Variants in CCDC92 observed in about 807,000 individuals in gnomAD.
CCDC92 encodes the protein coiled-coil domain containing 92.
CCDC92 carries 12 observed loss-of-function variants against 24.9 expected under a neutral mutation model. The ratio of observed to expected loss-of-function variants is 0.48; its 90% CI spans 0.31 to 0.78. The LOEUF (loss-of-function observed/expected upper bound fraction) is 0.78. CCDC92 is among the 30% of genes least tolerant of loss of function. The pLI is 0.05. For synonymous variants in CCDC92, 193 were observed against 196.3 expected, an observed-to-expected ratio of 0.98 and a Z score of 0.14; for missense variants, 399 against 439.4, an observed-to-expected ratio of 0.91 and a Z score of 0.82.
At position 123,942,361 on chromosome 12, in the gene CCDC92, C is replaced by T. The variant is rs555976423; in HGVS notation, c.223+383G>A. Among the ~76,000 whole-genome samples the T allele has an allele frequency of 9.8e-5, 15 of 152,350 alleles. No homozygotes were observed. The South Asian group carries it at 1.2e-3, about 13-fold the overall frequency. ...AGGCCCATGCTAGGCGGCAGCGACA[C>T]GGAGGAGCGGGGGCGGTTCTGCCCA... On this transcript the variant is annotated intron_variant, in intron 4 of 4. Transcript: ENST00000238156.
intron 2 of CCDC92, chr12:123,943,991 C>T (rs577740142): frequency 3.9e-5 from 20 of 515,394 alleles, no homozygotes; most frequent in Non-Finnish European, 2.0e-5. Context: ...CTGACAGCTT[C>T]CTCATGGGAA....
chr12:123,965,449 C>A (rs1956369806), intron 1 of CCDC92, among the ~76,000 whole-genome samples: 1 of 152,182 alleles, frequency 6.6e-6, no homozygotes, highest in Non-Finnish European at 1.5e-5. Context: ...CTCACTTTTT[C>A]CTGTCTTGAC....
chr12:123,936,805 T>C lies in CCDC92; in HGVS notation c.*253A>G. 8.5e-6 allele frequency: 5 copies of C among 586,096 alleles called. No individual in the cohort carries two copies. The highest frequency in any genetic ancestry group is 8.2e-5 in the South Asian group (4 of 48,690). The allele number at this position is 586,096 out of a possible 1,614,324, so 36.3% of individuals were successfully genotyped here. ...GGCTTTGCCTGCAGCGCACTTAGGT[T>C]ACACGGAGCGGGATCAGAAGCAAGC... On this transcript the variant is annotated 3_prime_UTR_variant, in exon 5 of 5. Transcript: ENST00000238156.
In CCDC92 at chr12:123,936,959, A is replaced by G. The variant is rs772221236; in HGVS notation, c.*99T>C. On this transcript the variant is annotated 3_prime_UTR_variant, in exon 5 of 5. Transcript: ENST00000238156. ...GGAGAATGGGTCGGTAGGTGTGAAA[A>G]GTGTTTGGCATGCATGGGATTAAAC... The G allele has an allele frequency of 2.2e-6, 3 of 1,364,902 alleles. No individual in the cohort carries two copies. Among genetic ancestry groups the G allele is most frequent in the Non-Finnish European group, 3.0e-6 (3 of 983,698 alleles). The allele number at this position is 1,364,902 out of a possible 1,614,324, so 84.5% of individuals were successfully genotyped here. A position where few individuals can be genotyped will look rare whatever the true frequency, so the allele number is the denominator to read the frequency against.
chr12:123,968,666 C>T (rs552546310), intron 1 of CCDC92: 6 of 152,106 alleles, frequency 3.9e-5, no homozygotes, highest in Non-Finnish European at 8.8e-5. Flanking sequence ...GTAAGAGACA[C>T]AAAAGCATGA....
In CCDC92 at chr12:123,944,048, C is replaced by G. The variant is rs370338507; in HGVS notation, c.34+224G>C. ...GCCAAACATTTCCTCTAAATGGCAT[C>G]TGGAGCCAGCCAAAGTAGGAGGGAG... On this transcript the variant is annotated intron_variant, in intron 2 of 4. Coordinates refer to ENST00000238156, the MANE Select transcript of CCDC92 (RefSeq NM_025140.3). The G allele has an allele frequency of 7.0e-5, 37 of 530,038 alleles. No homozygotes were observed. The East Asian group carries it at 9.2e-4, about 13-fold the overall frequency. 32.8% of individuals were successfully genotyped at this position (530,038 alleles called of 1,614,324 possible). A position where few individuals can be genotyped will look rare whatever the true frequency, so the allele number is the denominator to read the frequency against.
At chr12:123,961,544 T>C (rs1487522136) in intron 1 of CCDC92, among the ~76,000 whole-genome samples, 1 of 152,204 alleles carries the variant, frequency 6.6e-6, no homozygotes, top group Non-Finnish European at 1.5e-5. Context: ...AAGTTGTATA[T>C]TAAAAGTTGC....
At chr12:123,969,184 A>T (rs547196206) in intron 1 of CCDC92, among the ~76,000 whole-genome samples, 20 of 152,164 alleles carry the variant, frequency 1.3e-4, no homozygotes, top group Non-Finnish European at 2.6e-4. Context: ...GTTTCATACA[A>T]ATAGGGCACA....
At chr12:123,967,029 G>A (rs935252135) in intron 1 of CCDC92, among the ~76,000 whole-genome samples, 11 of 152,092 alleles carry the variant, frequency 7.2e-5, no homozygotes, top group African/African-American at 2.7e-4. Context: ...GTTCACCTCT[G>A]AACTGGGTCC....
chr12:123,961,802 T>C (rs1452048423), intron 1 of CCDC92, among the ~76,000 whole-genome samples: 2 of 152,206 alleles, frequency 1.3e-5, no homozygotes, highest in Non-Finnish European at 2.9e-5. Context: ...GAGCAGATAT[T>C]CTTATCCTCA....
intron 4 of CCDC92, among the ~76,000 whole-genome samples, chr12:123,939,411 A>G (rs1955618517): frequency 1.3e-5 from 2 of 152,174 alleles, no homozygotes; most frequent in Admixed American, 1.3e-4. Context: ...GCTGCAGGTG[A>G]TGGGCGCTCC....
intron 1 of CCDC92, among the ~76,000 whole-genome samples, chr12:123,956,920 A>C (rs1423063830): frequency 6.6e-6 from 1 of 152,236 alleles, no homozygotes; most frequent in Non-Finnish European, 1.5e-5. Context: ...TACATCTGAT[A>C]TTCATTAGGA....
intron 1 of CCDC92, among the ~76,000 whole-genome samples, chr12:123,964,614 A>T (rs370428345): frequency 6.6e-6 from 1 of 152,210 alleles, no homozygotes; most frequent in Non-Finnish European, 1.5e-5. Context: ...ACAAAGGCTA[A>T]ATTAAATGGA....
At chr12:123,958,213 C>G (rs1956194957) in intron 1 of CCDC92, among the ~76,000 whole-genome samples, 1 of 151,874 alleles carries the variant, frequency 6.6e-6, no homozygotes, top group South Asian at 2.1e-4. Flanking sequence ...AATACCATGC[C>G]CGGCTAATTT....
chr12:123,961,912 C>T (rs1238992454), intron 1 of CCDC92, among the ~76,000 whole-genome samples: 1 of 152,160 alleles, frequency 6.6e-6, no homozygotes. Flanking sequence ...AGTCTGACTC[C>T]AAAGCCTATG....
At position 123,937,946 on chromosome 12, in the gene CCDC92, A is replaced by G. The variant is rs1955573345; in HGVS notation, c.224-116T>C. 1.1e-5 allele frequency: 12 copies of G among 1,056,604 alleles called. No individual in the cohort carries two copies. In the South Asian group the frequency reaches 1.7e-4, roughly 15 times the overall value. 65.5% of individuals were successfully genotyped at this position (1,056,604 alleles called of 1,614,324 possible). A position where few individuals can be genotyped will look rare whatever the true frequency, so the allele number is the denominator to read the frequency against. ...GGGCCCTGTCTAGGCTGTGGGGGCC[A>G]TGCAGAAGGCAGGGCTGTGGGGGCT... On this transcript the variant is annotated intron_variant, in intron 4 of 4. Coordinates refer to ENST00000238156, the MANE Select transcript of CCDC92 (RefSeq NM_025140.3). This position sits in a 1 kb window ranked among gnomAD's most constrained non-coding sequence, Gnocchi z 8.4.
intron 1 of CCDC92, among the ~76,000 whole-genome samples, chr12:123,961,792 G>T (rs953401043): frequency 5.3e-5 from 8 of 152,158 alleles, no homozygotes; most frequent in Non-Finnish European, 1.0e-4. Flanking sequence ...ACACTCTAAG[G>T]AGCAGATATT....
intron 1 of CCDC92, among the ~76,000 whole-genome samples, chr12:123,953,403 A>C (rs963865694): frequency 1.3e-5 from 2 of 152,180 alleles, no homozygotes; most frequent in Admixed American, 1.3e-4. Flanking sequence ...TGATAGGTTA[A>C]GTTTGTAAAC....
chr12:123,944,162 T>C, intron 2 of CCDC92, 110 bp downstream of exon 2: 1 of 753,252 alleles, frequency 1.3e-6, no homozygotes, highest in South Asian at 1.5e-5. Flanking sequence ...TGAGAACGTA[T>C]CTCATGGGGC....
Sources: gnomAD v4.1 joint callset for allele counts (sites outside exome capture counted in the v4.1 genomes callset) on GRCh38, gnomAD v4.1.1 for gene constraint, Gnocchi (gnomAD v3.1) non-coding constraint, MANE v1.5 for transcripts, NCBI Gene and HGNC (gene_info 2026-07-23, HGNC 2026-07-21) for gene names.